The following DGKI variants were observed in gnomAD, a reference collection of about 807,000 sequenced individuals.
The protein encoded by DGKI is diacylglycerol kinase iota.
Under a neutral mutation model 147.5 loss-of-function variants are expected in DGKI, and 55 were observed. The observed-to-expected ratio is 0.37, with a 90% confidence interval of 0.30 to 0.47. The LOEUF is 0.47. DGKI is among the 20% of genes least tolerant of loss of function. The pLI is 1.00. For missense variants in DGKI, 1,007 were observed against 1,323.8 expected (o/e 0.76, Z 3.71); for synonymous variants, 469 against 477.1 (o/e 0.98, Z 0.22).
At chr7:137,841,005 C>G (rs527308902) in intron 1 of DGKI, among the ~76,000 whole-genome samples, 4 of 152,234 alleles carry the variant, frequency 2.6e-5, no homozygotes, top group Non-Finnish European at 4.4e-5. Context: ...TCCTAACAAA[C>G]CTGTATTACT....
rs1200126190 is a variant in DGKI, at chr7:137,466,940, T to C, written c.2446A>G (p.Thr816Ala). 4 of 1,614,020 alleles carry C rather than the reference T, an allele frequency of 2.5e-6. No individual in the cohort carries two copies. In the African/African-American group the frequency reaches 5.3e-5, roughly 22 times the overall value. Residue 816 changes from threonine (T) to alanine (A), a missense_variant and splice_region_variant, in exon 25 of 33, where the codon ACT becomes GCT. Thr to Ala is a moderately conservative substitution (Grantham distance 58). This residue lies in a region of DGKI where 385 missense variants were observed against 445.2 expected (regional missense o/e 0.86). Coordinates refer to ENST00000614521, the MANE Select transcript of DGKI (RefSeq NM_001321708.2). ...ATTCGATAAAAGCGATCAGCAGAAG[T>C]TGCTAGGGGAAAAAAAATGCAGATG... is the stretch of plus-strand genomic sequence containing the variant. ...LSPRWCFLDA[T>A]SADRFYRIDR...
At chr7:137,577,081 T>A (rs1819008206) in intron 17 of DGKI, 141 bp downstream of exon 17, 1 of 684,964 alleles carries the variant, frequency 1.5e-6, no homozygotes, top group Middle Eastern at 3.9e-4. Flanking sequence ...ACATAATAAG[T>A]GTAGGTTGAA....
chr7:137,453,530 A>G (rs1447032219), intron 27 of DGKI, among the ~76,000 whole-genome samples: 1 of 152,220 alleles, frequency 6.6e-6, no homozygotes, highest in Non-Finnish European at 1.5e-5. Flanking sequence ...CACATACAGT[A>G]AAAGAGAGCA....
At chr7:137,741,596 T>C (rs1156344285) in intron 1 of DGKI, among the ~76,000 whole-genome samples, 1 of 152,304 alleles carries the variant, frequency 6.6e-6, no homozygotes, top group African/African-American at 2.4e-5. Context: ...AGAGCATCTG[T>C]GTCTGAACGA....
chr7:137,428,260 T>G (rs1322989520), intron 28 of DGKI, among the ~76,000 whole-genome samples: 1 of 151,992 alleles, frequency 6.6e-6, no homozygotes, highest in Non-Finnish European at 1.5e-5. Context: ...TGCAAATCAA[T>G]AAGTGGAATC....
intron 1 of DGKI, among the ~76,000 whole-genome samples, chr7:137,691,954 T>C (rs1420867408): frequency 6.6e-6 from 1 of 152,062 alleles, no homozygotes; most frequent in Non-Finnish European, 1.5e-5. Context: ...ATTTACTTGC[T>C]TTATATAATC....
intron 21 of DGKI, among the ~76,000 whole-genome samples, chr7:137,502,994 G>A (rs1040805519): frequency 1.2e-4 from 19 of 152,094 alleles, no homozygotes; most frequent in African/African-American, 4.3e-4. Context: ...CTCCAGGCCT[G>A]GACAAAGGAC....
Position 137,469,634 on chromosome 7 carries a change from A to G in DGKI, c.2374-15T>C, listed in dbSNP as rs760316463. 6.2e-7 allele frequency: 1 copy of G among 1,613,100 alleles called. No individual in the cohort carries two copies. The highest frequency in any genetic ancestry group is 8.5e-7 in the Non-Finnish European group (1 of 1,179,306). On this transcript the variant is annotated splice_polypyrimidine_tract_variant and intron_variant, in intron 23 of 32. Transcript: ENST00000614521. ...GTTTCATGGTCCTGGAAAGAGACAC[A>G]CACACTCTAGTGGCTGCATTTCAAT...
chr7:137,717,751 T>G (rs1224873049), intron 1 of DGKI, among the ~76,000 whole-genome samples: 1 of 152,172 alleles, frequency 6.6e-6, no homozygotes, highest in African/African-American at 2.4e-5. Context: ...GATTAAGTTC[T>G]AACAAGGGGT....
chr7:137,744,050 A>T (rs1042744814), intron 1 of DGKI, among the ~76,000 whole-genome samples: 2 of 152,078 alleles, frequency 1.3e-5, no homozygotes, highest in African/African-American at 2.4e-5. Context: ...AAAGCAGAGT[A>T]GAACTAAATG....
chr7:137,593,535 C>T (rs182108365), intron 12 of DGKI, among the ~76,000 whole-genome samples: 99 of 152,264 alleles, frequency 6.5e-4, no homozygotes, highest in Non-Finnish European at 1.3e-3. Context: ...AGCCTCTGAA[C>T]TGTGCAAGCC....
chr7:137,416,185 T>C (rs1812355051), intron 28 of DGKI, among the ~76,000 whole-genome samples: 1 of 152,084 alleles, frequency 6.6e-6, no homozygotes, highest in African/African-American at 2.4e-5. Flanking sequence ...ATTAGGTACA[T>C]GTAAGCAATA....
chr7:137,637,948 G>A (rs1821371307), intron 6 of DGKI, among the ~76,000 whole-genome samples: 1 of 152,118 alleles, frequency 6.6e-6, no homozygotes, highest in Non-Finnish European at 1.5e-5. Context: ...TGAAAAGAAT[G>A]ATTTCCGTCA....
intron 10 of DGKI, among the ~76,000 whole-genome samples, chr7:137,603,069 T>C (rs1025146129): frequency 1.1e-4 from 17 of 152,074 alleles, no homozygotes; most frequent in Non-Finnish European, 2.4e-4. Flanking sequence ...AGAATACAAA[T>C]TCCCAAAAAG....
chr7:137,532,247 ATCTG>A (rs1401876575), intron 20 of DGKI, among the ~76,000 whole-genome samples: 1 of 152,120 alleles, frequency 6.6e-6, no homozygotes, highest in African/African-American at 2.4e-5. Context: ...GTGGTAGTAG[ATCTG>A]CATTTCTAGG....
At chr7:137,450,130 T>A (rs1813893757) in intron 27 of DGKI, among the ~76,000 whole-genome samples, 1 of 152,112 alleles carries the variant, frequency 6.6e-6, no homozygotes, top group African/African-American at 2.4e-5. Context: ...GCTGGGGCAT[T>A]TCGGGGTGAG....
chr7:137,801,752 G>A (rs1797217379), intron 1 of DGKI, among the ~76,000 whole-genome samples: 1 of 152,140 alleles, frequency 6.6e-6, no homozygotes, highest in Admixed American at 6.5e-5. Context: ...GAGCTGGGGA[G>A]AGAGGATTAG....
In DGKI at chr7:137,489,589, C is replaced by A. The variant is rs377193781; in HGVS notation, c.2249-1900G>T. 1.4e-4 allele frequency among the ~76,000 whole-genome samples: 21 copies of A among 151,950 alleles called. No individual in the cohort carries two copies. In the East Asian group the frequency reaches 2.9e-3, roughly 21 times the overall value. ...CTATAAAGATGGAAATAAGTTGATC[C>A]ACCAAGATAAGAGCAGAATAGAATT... On this transcript the variant is annotated intron_variant, in intron 21 of 32. Coordinates refer to ENST00000614521, the MANE Select transcript of DGKI (RefSeq NM_001321708.2).
intron 20 of DGKI, among the ~76,000 whole-genome samples, chr7:137,522,662 T>A (rs1184504803): frequency 6.6e-6 from 1 of 152,084 alleles, no homozygotes; most frequent in Non-Finnish European, 1.5e-5. Flanking sequence ...TATTAAGCAA[T>A]AAAATGGTGC....
Sources: allele counts gnomAD v4.1 joint callset (sites outside exome capture counted in the v4.1 genomes callset), GRCh38; gene constraint gnomAD v4.1.1; regional missense constraint gnomAD v4.1.1; transcripts MANE v1.5; gene names NCBI Gene and HGNC (gene_info 2026-07-23, HGNC 2026-07-21).